The following SPATC1 variants were observed in gnomAD, a reference collection of about 807,000 sequenced individuals.
SPATC1 encodes the protein spermatogenesis and centriole associated 1.
SPATC1 carries 35 observed loss-of-function variants against 36.5 expected under a neutral mutation model. The ratio of observed to expected loss-of-function variants is 0.96; its 90% CI spans 0.73 to 1.27. The LOEUF is 1.27. Among genes scored for constraint, SPATC1 ranks in the 50% most tolerant of loss-of-function variants. The pLI, the probability that SPATC1 is intolerant of heterozygous loss-of-function variation, is 0.00. For synonymous variants in SPATC1, 361 were observed against 353.6 expected, an observed-to-expected ratio of 1.02 and a Z score of -0.24; for missense variants, 779 against 796.0, an observed-to-expected ratio of 0.98 and a Z score of 0.26.
rs541590996 is a variant in SPATC1, at chr8:144,045,664, G to A, written c.1447-963G>A. 7.0e-4 allele frequency among the ~76,000 whole-genome samples: 106 copies of A among 152,352 alleles called. No homozygotes were observed. Among genetic ancestry groups the A allele is most frequent in the Non-Finnish European group, 1.2e-3 (83 of 68,024 alleles). ...GCCCACCCAACTCCACTTTAGACCCGTGGCTCTGTGGGCCTGTGCAGAGAG... is the reference window on the plus strand; with the variant it reads ...GCCCACCCAACTCCACTTTAGACCCATGGCTCTGTGGGCCTGTGCAGAGAG... On this transcript the variant is annotated intron_variant, in intron 4 of 4. Coordinates refer to ENST00000377470, the MANE Select transcript of SPATC1 (RefSeq NM_198572.3). The surrounding 1 kb of genome is among the most constrained non-coding windows in gnomAD (Gnocchi z 5.2).
At chr8:144,012,851 C>G (rs1476376056) in intron 1 of SPATC1, 125 bp downstream of exon 1, 2 of 965,422 alleles carry the variant, frequency 2.1e-6, no homozygotes, top group Non-Finnish European at 3.1e-6. Flanking sequence ...CCTCTCTGCT[C>G]TAACACACTC....
rs1040330549 is a variant in SPATC1 at position 144,012,357 on chromosome 8, G to A, written c.-159G>A. 4.7e-6 allele frequency: 3 copies of A among 634,960 alleles called. No homozygotes were observed. The highest frequency in any genetic ancestry group is 2.7e-5 in the East Asian group (1 of 36,688). The allele number at this position is 634,960 out of a possible 1,614,324, so 39.3% of individuals were successfully genotyped here. On this transcript the variant is annotated 5_prime_UTR_variant, in exon 1 of 5. Coordinates refer to ENST00000377470, the MANE Select transcript of SPATC1 (RefSeq NM_198572.3). ...GAGGGTGTTAGAGCAGAGAGGGCAA[G>A]GAAGAGGGCACAGCCTCTGACCTCA...
chr8:144,012,642 A>C lies in SPATC1; in HGVS notation c.127A>C (p.Thr43Pro). 1 of 1,551,656 alleles carries C rather than the reference A, an allele frequency of 6.4e-7. No individual in the cohort carries two copies. Among genetic ancestry groups the C allele is most frequent in the African/African-American group, 1.4e-5 (1 of 73,142 alleles). ...ENHELKSAIK[T>P]QAGGLGISGF... ...TCACGAGCTCAAGTCAGCGATCAAG[A>C]CTCAGGCAGGCGGGCTCGGCATCAG... Residue 43 changes from threonine (T) to proline (P), a missense_variant, in exon 1 of 5, where the codon ACT becomes CCT. Transcript: ENST00000377470.
chr8:144,042,855 AT>A (rs1312497431), intron 4 of SPATC1, among the ~76,000 whole-genome samples: 1 of 150,506 alleles, frequency 6.6e-6, no homozygotes, highest in African/African-American at 2.4e-5. Context: ...CCCTATTGCA[AT>A]TTTTTTTAAG....
Position 144,046,987 on chromosome 8 carries a change from G to C in SPATC1, c.*31G>C. ...GAGCTGGGAGGTCCAGGCTCGCTCAGCCCCACAGCCCTGTGCACGGCCATT... is the reference window on the plus strand; with the variant it reads ...GAGCTGGGAGGTCCAGGCTCGCTCACCCCCACAGCCCTGTGCACGGCCATT... On this transcript the variant is annotated 3_prime_UTR_variant, in exon 5 of 5. Coordinates refer to ENST00000377470, the MANE Select transcript of SPATC1 (RefSeq NM_198572.3). The surrounding 1 kb of genome is among the most constrained non-coding windows in gnomAD (Gnocchi z 6.6). The C allele has an allele frequency of 6.3e-7, 1 of 1,576,518 alleles. No individual in the cohort carries two copies. The highest frequency in any genetic ancestry group is 1.1e-5 in the South Asian group (1 of 87,216).
intron 1 of SPATC1, among the ~76,000 whole-genome samples, chr8:144,015,223 G>A (rs990320521): frequency 1.1e-4 from 16 of 148,490 alleles, no homozygotes; most frequent in African/African-American, 2.3e-4. Flanking sequence ...TTTTTTTGGT[G>A]TATTTTTAGT....
chr8:144,023,611 C>T (rs1222668912), intron 1 of SPATC1, among the ~76,000 whole-genome samples: 5 of 107,462 alleles, frequency 4.7e-5, no homozygotes, highest in Admixed American at 8.8e-5. Flanking sequence ...TCCCTGAAAA[C>T]GCTCTTCCCT....
chr8:144,014,168 C>G (rs1834334162), intron 1 of SPATC1, among the ~76,000 whole-genome samples: 1 of 152,034 alleles, frequency 6.6e-6, no homozygotes, highest in African/African-American at 2.4e-5. Flanking sequence ...AGGAGAATCC[C>G]TTGAACTGGG....
In SPATC1 at chr8:144,040,588, C is replaced by A. The variant is rs782094962; in HGVS notation, c.787C>A (p.Pro263Thr). The change falls in exon 3 of 5, where the codon CCC (proline) becomes ACC (threonine). Residue 263 changes from proline (P) to threonine (T), a missense_variant. Physicochemically the swap from Pro to Thr is conservative, Grantham distance 38 (BLOSUM62 -1). Transcript: ENST00000377470. ...TTKVPLSTEP[P>T]QSTQDPEPLS... ...ACTAGTCCCACTCTCCACTGAGCCC[C>A]CCCAGTCGACCCAGGACCCAGAGCC... is the stretch of plus-strand genomic sequence containing the variant. The A allele has an allele frequency of 3.1e-6, 5 of 1,598,266 alleles. No individual in the cohort carries two copies. In the East Asian group the frequency reaches 1.1e-4, roughly 36 times the overall value.
At chr8:144,032,289 A>C (rs1200289301) in intron 1 of SPATC1, among the ~76,000 whole-genome samples, 5 of 151,390 alleles carry the variant, frequency 3.3e-5, no homozygotes, top group African/African-American at 1.2e-4. Context: ...ATTTTATTTT[A>C]TTTTTTGAGA....
chr8:144,022,702 C>T (rs1222123958), intron 1 of SPATC1, among the ~76,000 whole-genome samples: 7 of 150,976 alleles, frequency 4.6e-5, no homozygotes, highest in Admixed American at 2.0e-4. Context: ...TGCCTTCCCT[C>T]AGGACTATCT....
intron 1 of SPATC1, among the ~76,000 whole-genome samples, chr8:144,038,893 A>G (rs538864084): frequency 6.6e-6 from 1 of 152,304 alleles, no homozygotes; most frequent in South Asian, 2.1e-4. Flanking sequence ...AACAGAGACC[A>G]TATAGCTGGC....
intron 1 of SPATC1, among the ~76,000 whole-genome samples, chr8:144,036,640 A>G (rs1587514560): frequency 6.6e-6 from 1 of 152,154 alleles, no homozygotes; most frequent in East Asian, 1.9e-4. Context: ...TTAGAATTCA[A>G]AAGGCAAATA....
In SPATC1 at chr8:144,040,767, C is replaced by G. The variant is rs781787321; in HGVS notation, c.966C>G (p.Val322=). 3 of 1,596,086 alleles carry G rather than the reference C, an allele frequency of 1.9e-6. No individual in the cohort carries two copies. The highest frequency in any genetic ancestry group is 2.6e-6 in the Non-Finnish European group (3 of 1,172,128). ...AGGAACAAGTGGTCCCTGCATCTGTCCCCACCTCCCCCACCACCTCCCCCA... is the reference window on the plus strand; with the variant it reads ...AGGAACAAGTGGTCCCTGCATCTGTGCCCACCTCCCCCACCACCTCCCCCA... ...AAQEQVVPAS[V]PTSPTTSPTV... The change falls in exon 3 of 5, where the codon GTC becomes GTG. Residue 322 remains valine (V), a synonymous_variant. Coordinates refer to ENST00000377470, the MANE Select transcript of SPATC1 (RefSeq NM_198572.3).
At chr8:144,030,185 C>A (rs892678826) in intron 1 of SPATC1, among the ~76,000 whole-genome samples, 1 of 152,138 alleles carries the variant, frequency 6.6e-6, no homozygotes, top group African/African-American at 2.4e-5. Context: ...GTGTGTCTTT[C>A]GATCTAAAGT....
intron 1 of SPATC1, among the ~76,000 whole-genome samples, chr8:144,031,377 G>T (rs1834789496): frequency 6.6e-6 from 1 of 150,912 alleles, no homozygotes; most frequent in Admixed American, 6.6e-5. Flanking sequence ...TGAAAATTTT[G>T]CTGTTAATCT....
At chr8:144,025,587 C>T (rs889834121) in intron 1 of SPATC1, among the ~76,000 whole-genome samples, 24 of 152,254 alleles carry the variant, frequency 1.6e-4, no homozygotes, top group African/African-American at 5.1e-4. Context: ...TATCATGCGA[C>T]GGGACTGAAA....
chr8:144,022,523 T>C (rs1403924738), intron 1 of SPATC1, among the ~76,000 whole-genome samples: 1 of 14,332 alleles, frequency 7.0e-5, no homozygotes, highest in Admixed American at 5.3e-4. Context: ...GAAGCTCTTC[T>C]CTCAGGAACC....
chr8:144,029,202 T>TAA (rs1165801794), intron 1 of SPATC1, among the ~76,000 whole-genome samples: 3,049 of 28,126 alleles, frequency 0.11, 418 homozygotes, highest in African/African-American at 0.19. Context: ...ACCCCAGAAC[T>TAA]AAAAAAAAAA....
Sources: gnomAD v4.1 joint callset for allele counts (sites outside exome capture counted in the v4.1 genomes callset) on GRCh38, gnomAD v4.1.1 for gene constraint, Gnocchi (gnomAD v3.1) non-coding constraint, MANE v1.5 for transcripts, NCBI Gene and HGNC (gene_info 2026-07-23, HGNC 2026-07-21) for gene names.